The following ZNF81 variants were observed in gnomAD, a reference collection of about 807,000 sequenced individuals.
ZNF81 encodes the protein zinc finger protein 81 (HFZ20).
A neutral mutation model predicts 32.3 loss-of-function variants in ZNF81; 5 were observed. The ratio of observed to expected loss-of-function variants is 0.15; its 90% confidence interval spans 0.08 to 0.33. ZNF81 has a LOEUF of 0.33. Among genes scored for constraint, ZNF81 ranks in the 10% least tolerant of loss-of-function variants. The pLI is 1.00. For missense variants in ZNF81, 379 were observed against 479.8 expected (o/e 0.79, Z 1.96); for synonymous variants, 163 against 166.8 (o/e 0.98, Z 0.17).
At chrX:47,869,370 G>A (rs2058571826) in intron 2 of ZNF81, among the ~76,000 whole-genome samples, 1 of 111,827 alleles carries the variant, frequency 8.9e-6, no homozygotes, top group South Asian at 3.7e-4. Flanking sequence ...ACAGGACATG[G>A]CGTGGGCACA....
intron 2 of ZNF81, among the ~76,000 whole-genome samples, chrX:47,873,669 T>C: frequency 9.0e-6 from 1 of 111,389 alleles, no homozygotes; most frequent in Middle Eastern, 4.6e-3. Context: ...TTTGTTTGTT[T>C]GTTTTGTTTT....
intron 2 of ZNF81, among the ~76,000 whole-genome samples, chrX:47,848,050 G>A (rs782644424): frequency 1.6e-4 from 18 of 110,485 alleles, no homozygotes; most frequent in Non-Finnish European, 2.5e-4. Context: ...GACTAGCTGG[G>A]ACTACAGGCA....
chrX:47,901,931 A>G (rs2058700115), intron 4 of ZNF81, among the ~76,000 whole-genome samples: 1 of 111,674 alleles, frequency 9.0e-6, no homozygotes, highest in Non-Finnish European at 1.9e-5. Flanking sequence ...GATTTTGTAT[A>G]AGATTACTTT....
Position 47,917,106 on chromosome X carries a change from G to A in ZNF81, c.*474G>A, listed in dbSNP as rs1438571274. 4.9e-5 allele frequency: 14 copies of A among 283,003 alleles called. No individual in the cohort carries two copies. The East Asian group carries it at 6.4e-4, about 13-fold the overall frequency. 23.3% of individuals were successfully genotyped at this position (283,003 alleles called of 1,213,427 possible). Reference sequence around the variant, plus strand: ...CATAGGGTGTTTGTGGCAGAACACAGTGCAGAACAGGAGGAATATTACATT... The same window carrying A: ...CATAGGGTGTTTGTGGCAGAACACAATGCAGAACAGGAGGAATATTACATT... On this transcript the variant is annotated 3_prime_UTR_variant, in exon 5 of 5. Transcript: ENST00000338637.
intron 4 of ZNF81, among the ~76,000 whole-genome samples, chrX:47,900,362 T>C (rs1225871128): frequency 1.8e-5 from 2 of 111,538 alleles, no homozygotes; most frequent in Non-Finnish European, 3.8e-5. Context: ...GAAATGAAAG[T>C]CTTTTCAAAT....
chrX:47,899,665 A>C (rs1309919576), intron 4 of ZNF81, among the ~76,000 whole-genome samples: 8 of 111,146 alleles, frequency 7.2e-5, no homozygotes, highest in Non-Finnish European at 1.5e-4. Flanking sequence ...GTGTGAGATT[A>C]TTATTTCTTT....
At chrX:47,841,850 A>G (rs1468758369) in intron 1 of ZNF81, 4 of 345,182 alleles carry the variant, frequency 1.2e-5, no homozygotes, top group African/African-American at 1.1e-4. Flanking sequence ...TCTTGTATTT[A>G]TTACTTCCTT....
chrX:47,901,539 A>G (rs1327933281), intron 4 of ZNF81, among the ~76,000 whole-genome samples: 1 of 111,875 alleles, frequency 8.9e-6, no homozygotes, highest in African/African-American at 3.3e-5. Flanking sequence ...AATTTTCTAA[A>G]TGCCAAATGC....
rs944712326 is a variant in ZNF81 at position 47,917,786 on chromosome X, G to A, written c.*1154G>A. 1 of 112,777 alleles carries A rather than the reference G, an allele frequency of 8.9e-6. No homozygotes were observed. Among genetic ancestry groups the A allele is most frequent in the Admixed American group, 9.5e-5 (1 of 10,509 alleles). The allele number at this position is 112,777 out of a possible 1,213,427, so 9.3% of individuals were successfully genotyped here. ...ATGATGATAGTTTTAAGCAACATGA[G>A]TTTTGGGGTTAGTTTGTTGTACAGA... On this transcript the variant is annotated 3_prime_UTR_variant, in exon 5 of 5. Transcript: ENST00000338637.
At chrX:47,914,783 C>CTA in intron 4 of ZNF81, 141 bp from the exon 5 acceptor site, 1 of 544,637 alleles carries the variant, frequency 1.8e-6, no homozygotes, top group Non-Finnish European at 2.9e-6. Context: ...CATAAAAGTG[C>CTA]TATATATGTA....
At chrX:47,863,760 C>T (rs1556882887) in intron 2 of ZNF81, among the ~76,000 whole-genome samples, 1 of 112,062 alleles carries the variant, frequency 8.9e-6, no homozygotes, top group Non-Finnish European at 1.9e-5. Context: ...CTAATTTGAG[C>T]CAGTGAGTTT....
chrX:47,889,548 G>T (rs1481241961), intron 3 of ZNF81, among the ~76,000 whole-genome samples: 3 of 112,197 alleles, frequency 2.7e-5, no homozygotes, highest in Non-Finnish European at 5.6e-5. Flanking sequence ...GGCCAAGGTT[G>T]CAGGGTTATC....
At position 47,920,546 on chromosome X, in the gene ZNF81, T is replaced by C. The variant is rs1440697340; in HGVS notation, c.*3914T>C. 9.0e-6 allele frequency: 1 copy of C among 110,977 alleles called. No homozygotes were observed. Among genetic ancestry groups the C allele is most frequent in the African/African-American group, 3.3e-5 (1 of 30,443 alleles). 9.1% of individuals were successfully genotyped at this position (110,977 alleles called of 1,213,427 possible). On this transcript the variant is annotated 3_prime_UTR_variant, in exon 5 of 5. Transcript: ENST00000338637. ...ATTTTTTTTTCCATTTCCCTCACTC[T>C]AGTCACAGTGAATCTTTAACTGTGT...
intron 4 of ZNF81, among the ~76,000 whole-genome samples, chrX:47,912,261 A>G (rs902534213): frequency 3.7e-5 from 4 of 109,139 alleles, no homozygotes. Context: ...CAGATGTGTG[A>G]GAATACAAAT....
At chrX:47,881,872 G>T (rs1336762880) in intron 2 of ZNF81, among the ~76,000 whole-genome samples, 1 of 111,702 alleles carries the variant, frequency 9.0e-6, no homozygotes, top group Non-Finnish European at 1.9e-5. Flanking sequence ...AAACTCCTGG[G>T]CTCAAACGAT....
chrX:47,887,300 G>A (rs1017167565), intron 2 of ZNF81, among the ~76,000 whole-genome samples: 4 of 111,297 alleles, frequency 3.6e-5, no homozygotes, highest in Non-Finnish European at 7.5e-5. Context: ...TGGGTCCTTC[G>A]CATAGCCATA....
At chrX:47,854,843 C>T (rs1456165757) in intron 2 of ZNF81, among the ~76,000 whole-genome samples, 2 of 112,110 alleles carry the variant, frequency 1.8e-5, no homozygotes, top group African/African-American at 3.2e-5. Context: ...CGCCTGTAAT[C>T]TCAGCACTTT....
rs1000227935 is a variant in ZNF81 at position 47,915,658 on chromosome X, G to A, written c.1012G>A (p.Ala338Thr). The stretch of plus-strand genomic sequence containing the variant: ...CTACATATGTACTAAATGTGGGAAG[G>A]CCTTCATCCAGAATTCAGAATTAAT... ...KLYICTKCGK[A>T]FIQNSELIMH... Residue 338 changes from alanine (A) to threonine (T), a missense_variant, in exon 5 of 5, where the codon GCC (alanine) becomes ACC (threonine). Transcript: ENST00000338637. 4 of 1,210,027 alleles carry A rather than the reference G, an allele frequency of 3.3e-6. No individual in the cohort carries two copies. The highest frequency in any genetic ancestry group is 4.5e-6 in the Non-Finnish European group (4 of 894,698).
At chrX:47,897,943 A>G (rs781818090) in intron 4 of ZNF81, among the ~76,000 whole-genome samples, 4 of 111,959 alleles carry the variant, frequency 3.6e-5, no homozygotes, top group Non-Finnish European at 7.5e-5. Flanking sequence ...TTGGAAAGAC[A>G]GTTTGTTATA....
Sources: allele counts gnomAD v4.1 joint callset (sites outside exome capture counted in the v4.1 genomes callset), GRCh38; gene constraint gnomAD v4.1.1; transcripts MANE v1.5; gene names NCBI Gene and HGNC (gene_info 2026-07-23, HGNC 2026-07-21).